Variants in RBMS3 observed in about 807,000 individuals in gnomAD.
The protein encoded by RBMS3 is RNA binding motif single stranded interacting protein 3.
A neutral mutation model predicts 66.8 loss-of-function variants in RBMS3; 27 were observed. That is an observed-to-expected ratio of 0.40 (90% confidence interval 0.30 to 0.56). The LOEUF is 0.56. RBMS3 is among the 20% of genes least tolerant of loss of function. The pLI, the probability that RBMS3 is intolerant of heterozygous loss-of-function variation, is 0.40. For missense variants in RBMS3, 513 were observed against 549.5 expected (o/e 0.93, Z 0.66); for synonymous variants, 188 against 183.0 (o/e 1.03, Z -0.22).
chr3:29,826,291 C>A (rs1263454590), intron 6 of RBMS3, among the ~76,000 whole-genome samples: 1 of 152,178 alleles, frequency 6.6e-6, no homozygotes, highest in African/African-American at 2.4e-5. Flanking sequence ...CATGCTTCCT[C>A]CCATGCAGAC....
chr3:29,282,797 G>A lies in RBMS3; in HGVS notation c.75+1041G>A, dbSNP rs80043537. Among the ~76,000 whole-genome samples the A allele has an allele frequency of 1.2e-3, 189 of 152,190 alleles. 4 individuals are homozygous for A. In the East Asian group the frequency reaches 0.028, roughly 23 times the overall value. Reference sequence around the variant, plus strand: ...ATGATCTATGCTGTCACCAGGACTCGGTGATGTGATTAGGGTTAGGTAATT... The same window carrying A: ...ATGATCTATGCTGTCACCAGGACTCAGTGATGTGATTAGGGTTAGGTAATT... On this transcript the variant is annotated intron_variant, in intron 1 of 14. Coordinates refer to ENST00000383767, the MANE Select transcript of RBMS3 (RefSeq NM_001003793.3).
intron 4 of RBMS3, among the ~76,000 whole-genome samples, chr3:29,604,810 T>C (rs555398624): frequency 6.6e-6 from 1 of 152,062 alleles, no homozygotes; most frequent in East Asian, 1.9e-4. Context: ...CAGTTAGTGA[T>C]CATTAGTTTT....
intron 2 of RBMS3, among the ~76,000 whole-genome samples, chr3:29,467,149 G>C (rs1388390736): frequency 1.3e-5 from 2 of 152,140 alleles, no homozygotes; most frequent in Non-Finnish European, 2.9e-5. Flanking sequence ...TGAGACCAAA[G>C]TGCCTTTTGC....
chr3:29,982,268 T>C (rs886258654), intron 12 of RBMS3, among the ~76,000 whole-genome samples: 2 of 152,220 alleles, frequency 1.3e-5, no homozygotes, highest in Admixed American at 6.5e-5. Context: ...TCAGTGGTGA[T>C]ATCCCCTTTA....
At chr3:29,637,991 A>G (rs1489870367) in intron 4 of RBMS3, among the ~76,000 whole-genome samples, 1 of 151,832 alleles carries the variant, frequency 6.6e-6, no homozygotes, top group Admixed American at 6.6e-5. Flanking sequence ...TTGAACATCC[A>G]TCCATTTGGA....
At chr3:29,799,459 T>A (rs769206961) in intron 6 of RBMS3, among the ~76,000 whole-genome samples, 4 of 152,182 alleles carry the variant, frequency 2.6e-5, no homozygotes, top group Non-Finnish European at 4.4e-5. Context: ...AATACTATTC[T>A]CCTTAATGCC....
At chr3:29,588,791 T>A (rs2047623252) in intron 4 of RBMS3, among the ~76,000 whole-genome samples, 1 of 152,042 alleles carries the variant, frequency 6.6e-6, no homozygotes, top group Non-Finnish European at 1.5e-5. Flanking sequence ...TGGCAAAGAG[T>A]CAATGGCATT....
chr3:29,771,701 TG>T (rs1293990589), intron 6 of RBMS3, among the ~76,000 whole-genome samples: 3 of 151,994 alleles, frequency 2.0e-5, no homozygotes, highest in Non-Finnish European at 4.4e-5. Flanking sequence ...AGTTGGCTCC[TG>T]GTTCCACAGG....
chr3:29,976,969 G>T (rs866599246), intron 12 of RBMS3, among the ~76,000 whole-genome samples: 16 of 151,988 alleles, frequency 1.1e-4, no homozygotes, highest in Non-Finnish European at 2.1e-4. Context: ...AAGAAATTTT[G>T]AACTACTTGC....
chr3:29,600,375 G>A (rs577854392), intron 4 of RBMS3, among the ~76,000 whole-genome samples: 1 of 151,994 alleles, frequency 6.6e-6, no homozygotes, highest in African/African-American at 2.4e-5. Context: ...TCCCACAAAA[G>A]TTGGCTATTA....
chr3:29,281,824 G>C, intron 1 of RBMS3, 68 bp downstream of exon 1: 1 of 1,364,874 alleles, frequency 7.3e-7, no homozygotes, highest in South Asian at 1.2e-5. Context: ...GAAACAGACA[G>C]GCGTGTGAAT....
chr3:29,861,563 A>G (rs1254856535), intron 6 of RBMS3, among the ~76,000 whole-genome samples: 2 of 152,248 alleles, frequency 1.3e-5, no homozygotes, highest in African/African-American at 4.8e-5. Context: ...ATATCTTCTC[A>G]TCAATAGCAT....
chr3:29,316,984 C>T (rs1268086504), intron 1 of RBMS3, among the ~76,000 whole-genome samples: 2 of 151,672 alleles, frequency 1.3e-5, no homozygotes, highest in African/African-American at 2.4e-5. Context: ...TAATTTGATG[C>T]CCAATTTGTA....
At chr3:29,313,991 A>G (rs1204009855) in intron 1 of RBMS3, among the ~76,000 whole-genome samples, 2 of 151,608 alleles carry the variant, frequency 1.3e-5, no homozygotes, top group Non-Finnish European at 3.0e-5. Context: ...ATTGCTTATC[A>G]TCTTCTGGTT....
intron 1 of RBMS3, among the ~76,000 whole-genome samples, chr3:29,357,264 G>A (rs1434769655): frequency 6.6e-6 from 1 of 151,466 alleles, no homozygotes; most frequent in Non-Finnish European, 1.5e-5. Flanking sequence ...TGTTCTCATT[G>A]TTCAATTCCC....
intron 4 of RBMS3, among the ~76,000 whole-genome samples, chr3:29,603,839 A>G (rs906121102): frequency 6.6e-6 from 1 of 151,846 alleles, no homozygotes; most frequent in African/African-American, 2.4e-5. Context: ...TGAAGCTAAC[A>G]CCTGAACCAC....
rs548777675 is a variant in RBMS3 at position 29,703,387 on chromosome 3, A to G, written c.400-36333A>G. On this transcript the variant is annotated intron_variant, in intron 4 of 14. Coordinates refer to ENST00000383767, the MANE Select transcript of RBMS3 (RefSeq NM_001003793.3). ...AAGTCTAGTGAAATTGTAAGAAAAC[A>G]TTGTCTATAGGAAACAATTTGAAGA... 4.6e-5 allele frequency among the ~76,000 whole-genome samples: 7 copies of G among 152,330 alleles called. No individual in the cohort carries two copies. In the East Asian group the frequency reaches 9.7e-4, roughly 21 times the overall value.
At chr3:29,726,770 G>A (rs1191506655) in intron 4 of RBMS3, among the ~76,000 whole-genome samples, 6 of 151,964 alleles carry the variant, frequency 3.9e-5, no homozygotes, top group Non-Finnish European at 8.8e-5. Flanking sequence ...AATGAAAATG[G>A]TGAAAATGGC....
chr3:29,751,064 T>G (rs1375888334), intron 5 of RBMS3, among the ~76,000 whole-genome samples: 1 of 152,194 alleles, frequency 6.6e-6, no homozygotes, highest in Non-Finnish European at 1.5e-5. Flanking sequence ...AGCAAAATTT[T>G]TTATTATTTG....
Sources: gnomAD v4.1 joint callset for allele counts (sites outside exome capture counted in the v4.1 genomes callset) on GRCh38, gnomAD v4.1.1 for gene constraint, MANE v1.5 for transcripts, NCBI Gene and HGNC (gene_info 2026-07-23, HGNC 2026-07-21) for gene names.